Variants in AGO2 observed in about 807,000 individuals in gnomAD.
AGO2 encodes protein argonaute-2.
In AGO2, 5 loss-of-function variants were observed where a neutral mutation model predicts 102.3. That is an observed-to-expected ratio of 0.05 (90% confidence interval 0.03 to 0.10). AGO2 has a LOEUF of 0.10. Among genes scored for constraint, AGO2 ranks in the 10% least tolerant of loss-of-function variants. The probability of loss-of-function intolerance (pLI) is 1.00; values close to 1 mark genes in which losing one functional copy is unlikely to be tolerated. For synonymous variants in AGO2, 449 were observed against 473.1 expected, an observed-to-expected ratio of 0.95 and a Z score of 0.66; for missense variants, 541 against 1,183.7, an observed-to-expected ratio of 0.46 and a Z score of 7.97.
At chr8:140,541,521 G>A (rs1481409993) in intron 14 of AGO2, 163 bp from the exon 15 acceptor site, 2 of 630,354 alleles carry the variant, frequency 3.2e-6, no homozygotes, top group Non-Finnish European at 5.3e-6. Context: ...CAGCCTTTAG[G>A]CTTTTGGTGT....
chr8:140,620,115 C>G (rs1005495116), intron 1 of AGO2, among the ~76,000 whole-genome samples: 1 of 152,136 alleles, frequency 6.6e-6, no homozygotes, highest in Admixed American at 6.5e-5. Context: ...TGAAAAGATG[C>G]GGGGCTACCT....
At chr8:140,564,926 G>A (rs1049578407) in intron 3 of AGO2, among the ~76,000 whole-genome samples, 3 of 152,086 alleles carry the variant, frequency 2.0e-5, no homozygotes, top group African/African-American at 4.8e-5. Flanking sequence ...ACGAGGTCAG[G>A]AGTTCGAGAC....
chr8:140,626,076 G>A (rs922216312), intron 1 of AGO2, among the ~76,000 whole-genome samples: 6 of 151,678 alleles, frequency 4.0e-5, no homozygotes, highest in Non-Finnish European at 8.8e-5. Flanking sequence ...TGGGCAGCAC[G>A]TGGCCTTCTA....
At chr8:140,594,825 C>CTA (rs2073801089) in intron 1 of AGO2, among the ~76,000 whole-genome samples, 1 of 146,028 alleles carries the variant, frequency 6.8e-6, no homozygotes, top group South Asian at 2.2e-4. Context: ...AAGAAAAAAA[C>CTA]TGTGTGTGTG....
chr8:140,565,501 G>A (rs560263329), intron 3 of AGO2, among the ~76,000 whole-genome samples: 14 of 150,266 alleles, frequency 9.3e-5, no homozygotes, highest in South Asian at 2.1e-4. Context: ...AATTAGTCGG[G>A]TATGGTGGTG....
At chr8:140,547,864 C>A (rs1158539466) in intron 12 of AGO2, among the ~76,000 whole-genome samples, 1 of 152,244 alleles carries the variant, frequency 6.6e-6, no homozygotes, top group Non-Finnish European at 1.5e-5. Context: ...CCCGCCTCGC[C>A]CAGGCCAGGC....
intron 1 of AGO2, among the ~76,000 whole-genome samples, chr8:140,587,335 C>T (rs989930862): frequency 4.6e-5 from 7 of 152,232 alleles, no homozygotes; most frequent in East Asian, 3.8e-4. Context: ...TGATACTTCA[C>T]GTGAAGGCAC....
chr8:140,558,454 C>A (rs369596622), intron 7 of AGO2, 31 bp downstream of exon 7: 9 of 1,613,258 alleles, frequency 5.6e-6, no homozygotes, highest in Non-Finnish European at 6.8e-6. Context: ...GGGGCCCCAG[C>A]CAAGAGAGTC....
At position 140,524,169 on chromosome 8, in the gene AGO2, C is replaced by T. The variant is rs2072461188; in HGVS notation, c.*7875G>A. On this transcript the variant is annotated 3_prime_UTR_variant, in exon 19 of 19. Transcript: ENST00000220592. ...GCATTCCAAAATAAGGGTCACAGGA[C>T]TGAATAGCACCTTACAGCTGAGGAC... The T allele has an allele frequency of 6.6e-6, 1 of 152,246 alleles. No individual in the cohort carries two copies. Among genetic ancestry groups the T allele is most frequent in the Admixed American group, 6.5e-5 (1 of 15,292 alleles). The allele number at this position is 152,246 out of a possible 1,614,324, so 9.4% of individuals were successfully genotyped here. A position where few individuals can be genotyped will look rare whatever the true frequency, so the allele number is the denominator to read the frequency against.
At chr8:140,574,570 G>T (rs902857085) in intron 2 of AGO2, among the ~76,000 whole-genome samples, 4 of 152,010 alleles carry the variant, frequency 2.6e-5, no homozygotes, top group African/African-American at 9.7e-5. Context: ...AGCTCAGGGG[G>T]GTTCTGAGGC....
chr8:140,571,831 C>T (rs1009258126), intron 3 of AGO2, among the ~76,000 whole-genome samples: 9 of 152,196 alleles, frequency 5.9e-5, no homozygotes, highest in Admixed American at 4.6e-4. Flanking sequence ...CCATAACCTT[C>T]GCCTCCCAGG....
At chr8:140,603,767 C>A (rs752509773) in intron 1 of AGO2, among the ~76,000 whole-genome samples, 1 of 152,232 alleles carries the variant, frequency 6.6e-6, no homozygotes, top group Admixed American at 6.5e-5. Context: ...GCTGCTGTGG[C>A]GGACTGGGCT....
rs1207022097 is a variant in AGO2, at chr8:140,589,337, C to T, written c.23-4026G>A. ...GAATAGCCCAGCTCTTCCGTGAAGC[C>T]GCTTTGGCTACCGGCGGGTGAACCA... On this transcript the variant is annotated intron_variant, in intron 1 of 18. Coordinates refer to ENST00000220592, the MANE Select transcript of AGO2 (RefSeq NM_012154.5). This position sits in a 1 kb window ranked among gnomAD's most constrained non-coding sequence, Gnocchi z 4.2. Among the ~76,000 whole-genome samples, 4 of 152,144 alleles carry T rather than the reference C, an allele frequency of 2.6e-5. No homozygotes were observed. Among genetic ancestry groups the T allele is most frequent in the Non-Finnish European group, 5.9e-5 (4 of 68,018 alleles).
intron 1 of AGO2, among the ~76,000 whole-genome samples, chr8:140,616,644 C>G (rs2074145850): frequency 6.6e-6 from 1 of 152,210 alleles, no homozygotes; most frequent in South Asian, 2.1e-4. Context: ...TCCCATTTTA[C>G]AGAGGAGGAG....
In AGO2 at chr8:140,521,526, T is replaced by C. The variant is rs1001274309; in HGVS notation, c.*10518A>G. ...ATCAAATTCTTAAGACTCCAAAATA[T>C]TGTTACCTCCAAAGAATTAAGTAAA... On this transcript the variant is annotated 3_prime_UTR_variant, in exon 19 of 19. Transcript: ENST00000220592. 1 of 152,222 alleles carries C rather than the reference T, an allele frequency of 6.6e-6. No individual in the cohort carries two copies. The highest frequency in any genetic ancestry group is 1.5e-5 in the Non-Finnish European group (1 of 68,038). 9.4% of individuals were successfully genotyped at this position (152,222 alleles called of 1,614,324 possible). A position where few individuals can be genotyped will look rare whatever the true frequency, so the allele number is the denominator to read the frequency against.
chr8:140,596,838 G>A (rs927781528), intron 1 of AGO2, among the ~76,000 whole-genome samples: 3 of 152,134 alleles, frequency 2.0e-5, no homozygotes, highest in Admixed American at 1.3e-4. Flanking sequence ...ACGGGCCCAC[G>A]TCATCGCATG....
At chr8:140,581,420 G>A (rs2073555454) in intron 2 of AGO2, among the ~76,000 whole-genome samples, 1 of 152,196 alleles carries the variant, frequency 6.6e-6, no homozygotes, top group Non-Finnish European at 1.5e-5. Context: ...ACGGGTAGCT[G>A]AGGCACGAGA....
At chr8:140,585,549 C>A (rs2073643124) in intron 1 of AGO2, among the ~76,000 whole-genome samples, 1 of 152,210 alleles carries the variant, frequency 6.6e-6, no homozygotes, top group East Asian at 1.9e-4. Flanking sequence ...TTCTTCCTGT[C>A]TCAGACACTG....
At chr8:140,592,670 T>A (rs563281450) in intron 1 of AGO2, 2 of 152,332 alleles carry the variant, frequency 1.3e-5, no homozygotes, top group Admixed American at 1.3e-4. Context: ...TATTTTATCC[T>A]TTTTAGTAGA....
Sources: allele counts gnomAD v4.1 joint callset (sites outside exome capture counted in the v4.1 genomes callset), GRCh38; gene constraint gnomAD v4.1.1; non-coding constraint Gnocchi (gnomAD v3.1); transcripts MANE v1.5; gene names NCBI Gene and HGNC (gene_info 2026-07-23, HGNC 2026-07-21).